The following NKAIN2 variants were observed in gnomAD, a reference collection of about 807,000 sequenced individuals.
NKAIN2 encodes the protein sodium/potassium transporting ATPase interacting 2.
In NKAIN2, 14 loss-of-function variants were observed where a neutral mutation model predicts 32.6. The ratio of observed to expected loss-of-function variants is 0.43; its 90% CI spans 0.28 to 0.67. The LOEUF is 0.67. Among genes scored for constraint, NKAIN2 ranks in the 30% least tolerant of loss-of-function variants. The pLI is 0.17. For missense variants in NKAIN2, 198 were observed against 258.3 expected, an observed-to-expected ratio of 0.77 and a Z score of 1.60; for synonymous variants, 80 against 87.2, an observed-to-expected ratio of 0.92 and a Z score of 0.46.
chr6:124,214,566 TAATGAA>T (rs1445483332), intron 1 of NKAIN2, among the ~76,000 whole-genome samples: 1 of 151,842 alleles, frequency 6.6e-6, no homozygotes, highest in Non-Finnish European at 1.5e-5. Flanking sequence ...CTGGCCAACA[TAATGAA>T]ACCCTGTCTC....
Position 124,437,432 on chromosome 6 carries a change from T to A in NKAIN2, c.273+82085T>A, listed in dbSNP as rs932459522. 2.0e-5 allele frequency among the ~76,000 whole-genome samples: 3 copies of A among 152,230 alleles called. 1 individual carries two copies. In the South Asian group the frequency reaches 6.2e-4, roughly 31 times the overall value. On this transcript the variant is annotated intron_variant, in intron 3 of 6. Transcript: ENST00000368417. ...ATTATTTGATCACAAGCCGTTATGT[T>A]CTGTGATACTACATTATTTCATTTT...
intron 1 of NKAIN2, among the ~76,000 whole-genome samples, chr6:124,009,859 A>G (rs1357784715): frequency 1.3e-5 from 2 of 152,128 alleles, no homozygotes; most frequent in East Asian, 1.9e-4. Flanking sequence ...TTTATGGACA[A>G]AGACTCCCAT....
At chr6:124,657,920 G>A (rs999317569) in intron 3 of NKAIN2, among the ~76,000 whole-genome samples, 8 of 151,992 alleles carry the variant, frequency 5.3e-5, no homozygotes, top group Non-Finnish European at 8.8e-5. Context: ...TAAATCATTA[G>A]TAATATAAAT....
intron 1 of NKAIN2, among the ~76,000 whole-genome samples, chr6:123,892,083 C>T (rs1774044829): frequency 6.6e-6 from 1 of 151,802 alleles, no homozygotes; most frequent in South Asian, 2.1e-4. Context: ...TTTATTTTCT[C>T]AGAGAAAGAA....
At chr6:124,317,863 C>A (rs1426096500) in intron 2 of NKAIN2, among the ~76,000 whole-genome samples, 1 of 151,946 alleles carries the variant, frequency 6.6e-6, no homozygotes, top group Non-Finnish European at 1.5e-5. Flanking sequence ...ATAACTCCAC[C>A]AAATATGCCT....
chr6:124,591,334 G>A (rs961292072), intron 3 of NKAIN2, among the ~76,000 whole-genome samples: 2 of 152,188 alleles, frequency 1.3e-5, no homozygotes, highest in Admixed American at 6.5e-5. Flanking sequence ...GAACTGATCG[G>A]AATAAGTGTG....
chr6:124,701,339 G>A (rs553452872), intron 4 of NKAIN2, among the ~76,000 whole-genome samples: 1 of 152,028 alleles, frequency 6.6e-6, no homozygotes, highest in South Asian at 2.1e-4. Flanking sequence ...TTAATTAATG[G>A]TGACTTTCTT....
At chr6:124,815,550 G>A (rs182337337) in intron 5 of NKAIN2, among the ~76,000 whole-genome samples, 37 of 152,092 alleles carry the variant, frequency 2.4e-4, no homozygotes, top group African/African-American at 7.7e-4. Context: ...GATTACAGGC[G>A]TGAGCCACGG....
intron 3 of NKAIN2, among the ~76,000 whole-genome samples, chr6:124,370,446 T>A (rs746708197): frequency 2.4e-4 from 37 of 152,074 alleles, no homozygotes; most frequent in Non-Finnish European, 5.0e-4. Flanking sequence ...TAGAATATAA[T>A]TAGTTTTTCT....
chr6:124,129,339 C>A (rs1454043160), intron 1 of NKAIN2, among the ~76,000 whole-genome samples: 2 of 152,110 alleles, frequency 1.3e-5, no homozygotes, highest in African/African-American at 4.8e-5. Context: ...ATGTAGATCA[C>A]CCTCTAAGAT....
intron 1 of NKAIN2, among the ~76,000 whole-genome samples, chr6:124,190,066 CAT>C (rs1387604448): frequency 6.6e-6 from 1 of 152,206 alleles, no homozygotes; most frequent in Non-Finnish European, 1.5e-5. Context: ...TGGCCACAAA[CAT>C]ATGAAAGTGA....
intron 4 of NKAIN2, among the ~76,000 whole-genome samples, chr6:124,760,124 A>G (rs1014657630): frequency 6.6e-6 from 1 of 152,084 alleles, no homozygotes; most frequent in African/African-American, 2.4e-5. Flanking sequence ...CATGGAGGCC[A>G]TTATCCTTAG....
chr6:123,882,048 A>C (rs115240392), intron 1 of NKAIN2, among the ~76,000 whole-genome samples: 2,020 of 152,222 alleles, frequency 0.013, 47 homozygotes, highest in African/African-American at 0.046. Flanking sequence ...AAAATCTATG[A>C]ATATTTTTGA....
At chr6:123,843,406 C>G (rs1021423158) in intron 1 of NKAIN2, among the ~76,000 whole-genome samples, 1 of 152,104 alleles carries the variant, frequency 6.6e-6, no homozygotes, top group Non-Finnish European at 1.5e-5. Flanking sequence ...GTTCAGCTGC[C>G]TCTTCTCCTC....
intron 3 of NKAIN2, among the ~76,000 whole-genome samples, chr6:124,496,199 G>A (rs947946071): frequency 7.9e-5 from 12 of 152,120 alleles, no homozygotes; most frequent in African/African-American, 2.2e-4. Context: ...TTACTCCCTC[G>A]TCAAATGTGC....
chr6:124,015,205 GA>G (rs201281404), intron 1 of NKAIN2, among the ~76,000 whole-genome samples: 5 of 152,118 alleles, frequency 3.3e-5, no homozygotes, highest in African/African-American at 1.2e-4. Context: ...CAAGGAAAGG[GA>G]TGCTTTCTCT....
At chr6:124,052,250 G>A (rs369528787) in intron 1 of NKAIN2, among the ~76,000 whole-genome samples, 4 of 151,974 alleles carry the variant, frequency 2.6e-5, no homozygotes, top group African/African-American at 7.2e-5. Context: ...TATAAAAGAC[G>A]TAGGAAGGAT....
chr6:124,338,226 C>T (rs1313703311), intron 2 of NKAIN2, among the ~76,000 whole-genome samples: 1 of 152,010 alleles, frequency 6.6e-6, no homozygotes, highest in Non-Finnish European at 1.5e-5. Flanking sequence ...GGGCCAAATA[C>T]AGCAGTATTC....
chr6:123,899,191 C>T (rs949160238), intron 1 of NKAIN2, among the ~76,000 whole-genome samples: 2 of 152,226 alleles, frequency 1.3e-5, no homozygotes, highest in Non-Finnish European at 2.9e-5. Flanking sequence ...TGGCCAAGAT[C>T]CATGACTACT....
Sources: gnomAD v4.1 joint callset for allele counts (sites outside exome capture counted in the v4.1 genomes callset) on GRCh38, gnomAD v4.1.1 for gene constraint, MANE v1.5 for transcripts, NCBI Gene and HGNC (gene_info 2026-07-23, HGNC 2026-07-21) for gene names.